SLC8A1: variants seen among roughly 807,000 people sequenced by gnomAD.
SLC8A1 encodes the protein solute carrier family 8 member A1.
In SLC8A1, 18 loss-of-function variants were observed where a neutral mutation model predicts 68.3. The ratio of observed to expected loss-of-function variants is 0.26; its 90% CI spans 0.18 to 0.39. SLC8A1 has a LOEUF of 0.39. Among genes scored for constraint, SLC8A1 ranks in the 10% least tolerant of loss-of-function variants. The pLI is 1.00. For missense variants in SLC8A1, 985 were observed against 1,156.7 expected (o/e 0.85, Z 2.15); for synonymous variants, 475 against 415.5 (o/e 1.14, Z -1.74).
chr2:40,188,929 G>C (rs2051219277), intron 2 of SLC8A1, among the ~76,000 whole-genome samples: 1 of 152,020 alleles, frequency 6.6e-6, no homozygotes, highest in Non-Finnish European at 1.5e-5. Flanking sequence ...TTAGTGAATT[G>C]GTGCTGATTT....
At chr2:40,494,379 A>G (rs924487441) in intron 1 of SLC8A1, among the ~76,000 whole-genome samples, 1 of 151,992 alleles carries the variant, frequency 6.6e-6, no homozygotes. Flanking sequence ...TATATGTGCC[A>G]CATTTTCTTA....
At chr2:40,253,847 A>AAAAAAAAAAAGG (rs2063415509) in intron 2 of SLC8A1, among the ~76,000 whole-genome samples, 1 of 149,528 alleles carries the variant, frequency 6.7e-6, no homozygotes, top group Non-Finnish European at 1.5e-5. Flanking sequence ...AAAAAAAAAA[A>AAAAAAAAAAAGG]AAAAAAAAAG....
chr2:40,454,499 T>G (rs1702880026), upstream of SLC8A1, among the ~76,000 whole-genome samples: 1 of 143,242 alleles, frequency 7.0e-6, no homozygotes, highest in Non-Finnish European at 1.5e-5. Context: ...TTTTTTTTTT[T>G]GCTTTGACCA....
chr2:40,507,433 T>G (rs1706443062), intron 1 of SLC8A1, among the ~76,000 whole-genome samples: 1 of 152,050 alleles, frequency 6.6e-6, no homozygotes, highest in Non-Finnish European at 1.5e-5. Context: ...TTTTATAGAG[T>G]TGGTATTCAC....
At chr2:40,259,286 A>G (rs950538829) in intron 2 of SLC8A1, among the ~76,000 whole-genome samples, 2 of 152,194 alleles carry the variant, frequency 1.3e-5, no homozygotes, top group Non-Finnish European at 2.9e-5. Context: ...TTGGCTGCTG[A>G]AAGACCTAAA....
At chr2:40,456,316 CAA>C (rs67747641), upstream of SLC8A1, among the ~76,000 whole-genome samples, 568 of 102,264 alleles carry the variant, frequency 5.6e-3, 3 homozygotes, top group African/African-American at 0.019. Flanking sequence ...GACTCCGTCT[CAA>C]AAAAAAAAAA....
At chr2:40,124,180 C>A (rs975851065) in intron 7 of SLC8A1, among the ~76,000 whole-genome samples, 1 of 152,140 alleles carries the variant, frequency 6.6e-6, no homozygotes, top group African/African-American at 2.4e-5. Context: ...AAAACAGAAA[C>A]CTTCATTCTC....
chr2:40,319,975 G>A (rs896817248), intron 2 of SLC8A1, among the ~76,000 whole-genome samples: 1 of 152,074 alleles, frequency 6.6e-6, no homozygotes, highest in Non-Finnish European at 1.5e-5. Context: ...TCTTAAATGG[G>A]GATTATGGCA....
At chr2:40,413,895 A>T (rs1218598040) in intron 2 of SLC8A1, among the ~76,000 whole-genome samples, 1 of 152,202 alleles carries the variant, frequency 6.6e-6, no homozygotes, top group East Asian at 1.9e-4. Context: ...GCACATGATG[A>T]TGCGTCTCAC....
intron 4 of SLC8A1, among the ~76,000 whole-genome samples, chr2:40,168,143 G>A (rs2046862993): frequency 6.6e-6 from 1 of 152,086 alleles, no homozygotes; most frequent in South Asian, 2.1e-4. Context: ...TGATGTAATG[G>A]GGACAGGAAT....
At chr2:40,454,654 G>A (rs1250689869), upstream of SLC8A1, among the ~76,000 whole-genome samples, 1 of 152,144 alleles carries the variant, frequency 6.6e-6, no homozygotes, top group Non-Finnish European at 1.5e-5. Flanking sequence ...GCAGCCTAGT[G>A]CCTAGTGATT....
At chr2:40,461,966 C>T (rs1246820808) in intron 1 of SLC8A1, among the ~76,000 whole-genome samples, 6 of 135,106 alleles carry the variant, frequency 4.4e-5, no homozygotes, top group Admixed American at 3.9e-4. Context: ...CTAGATTTTT[C>T]GATGTTTATC....
intron 6 of SLC8A1, among the ~76,000 whole-genome samples, chr2:40,146,876 T>G (rs2042571361): frequency 6.6e-6 from 1 of 152,154 alleles, no homozygotes; most frequent in South Asian, 2.1e-4. Context: ...ACGGGACTAG[T>G]GCTACTTCTT....
At chr2:40,161,905 G>A (rs528951962) in intron 5 of SLC8A1, among the ~76,000 whole-genome samples, 4 of 152,186 alleles carry the variant, frequency 2.6e-5, no homozygotes, top group Admixed American at 6.5e-5. Flanking sequence ...ATGTACTTGA[G>A]TGGACTATGG....
At chr2:40,234,355 G>C (rs2060080476) in intron 2 of SLC8A1, among the ~76,000 whole-genome samples, 1 of 151,944 alleles carries the variant, frequency 6.6e-6, no homozygotes, top group East Asian at 1.9e-4. Flanking sequence ...TATTCTCTTT[G>C]AAGCAATTGT....
intron 2 of SLC8A1, among the ~76,000 whole-genome samples, chr2:40,230,278 C>T (rs1357194100): frequency 6.6e-6 from 1 of 152,190 alleles, no homozygotes; most frequent in Non-Finnish European, 1.5e-5. Context: ...AAATCCTTGG[C>T]TCCAAATAAA....
chr2:40,101,151 C>G (rs1422963314), exon 8 of SLC8A1: 1 of 152,148 alleles, frequency 6.6e-6, no homozygotes, highest in Non-Finnish European at 1.5e-5. Context: ...TTCTGACTCT[C>G]TGCTTTCAGT....
At chr2:40,237,659 C>T (rs1430529527) in intron 2 of SLC8A1, among the ~76,000 whole-genome samples, 1 of 152,118 alleles carries the variant, frequency 6.6e-6, no homozygotes, top group Non-Finnish European at 1.5e-5. Flanking sequence ...GAACTGTGTT[C>T]CTTTGGAGGA....
At chr2:40,264,102 C>T (rs1346485906) in intron 2 of SLC8A1, among the ~76,000 whole-genome samples, 2 of 152,096 alleles carry the variant, frequency 1.3e-5, no homozygotes, top group Non-Finnish European at 2.9e-5. Context: ...TGAAAAAATG[C>T]TCATCATCAC....
Sources: allele counts gnomAD v4.1 joint callset (sites outside exome capture counted in the v4.1 genomes callset), GRCh38; gene constraint gnomAD v4.1.1; transcripts MANE v1.5; gene names NCBI Gene and HGNC (gene_info 2026-07-23, HGNC 2026-07-21).